Variants in GLB1L2 observed in about 807,000 individuals in gnomAD.
GLB1L2 encodes the protein galactosidase beta 1 like 2, also known as beta-galactosidase-1-like protein 2.
Under a neutral mutation model 84.1 loss-of-function variants are expected in GLB1L2, and 68 were observed. The ratio of observed to expected loss-of-function variants is 0.81; its 90% confidence interval spans 0.67 to 0.99. The LOEUF (loss-of-function observed/expected upper bound fraction) is 0.99, where lower values mean the gene tolerates loss of function less well. GLB1L2 is among the 50% of genes least tolerant of loss of function. GLB1L2 has a pLI of 0.00. For synonymous variants in GLB1L2, 290 were observed against 318.0 expected, an observed-to-expected ratio of 0.91 and a Z score of 0.94; for missense variants, 762 against 805.6, an observed-to-expected ratio of 0.95 and a Z score of 0.66.
Position 134,338,614 on chromosome 11 carries a change from C to T in GLB1L2, c.87-4140C>T, listed in dbSNP as rs575024896. 5.9e-5 allele frequency among the ~76,000 whole-genome samples: 9 copies of T among 152,322 alleles called. No homozygotes were observed. In the South Asian group the frequency reaches 1.7e-3, roughly 28 times the overall value. On this transcript the variant is annotated intron_variant, in intron 1 of 18. Coordinates refer to ENST00000535456, the MANE Select transcript of GLB1L2 (RefSeq NM_001370461.1). This position sits in a 1 kb window ranked among gnomAD's most constrained non-coding sequence, Gnocchi z 6.2. ...AAGGAAAAATTACTCCAGAGGGCTC[C>T]ACCTCCCCCTGCTTCCTCACCACGG...
chr11:134,345,522 G>C (rs1943541746), intron 4 of GLB1L2, among the ~76,000 whole-genome samples: 1 of 152,242 alleles, frequency 6.6e-6, no homozygotes, highest in Admixed American at 6.5e-5. Context: ...TCAGGCTGGA[G>C]TGCAGTGGTG....
At chr11:134,348,795 A>G (rs1943585913) in intron 5 of GLB1L2, among the ~76,000 whole-genome samples, 1 of 151,586 alleles carries the variant, frequency 6.6e-6, no homozygotes, top group South Asian at 2.1e-4. Flanking sequence ...GTCCAAGAAC[A>G]AAGCACTGGC....
rs1458868151 is a variant in GLB1L2, at chr11:134,342,880, C to A, written c.213C>A (p.Phe71Leu). ...FWIFGGSIHY[F>L]RVPREYWRDR... ...TCTTCGGGGGCTCCATCCACTATTT[C>A]CGTGTGCCCAGGGAGTACTGGAGGG... The change falls in exon 2 of 19, where the codon TTC (phenylalanine) becomes TTA (leucine). Residue 71 changes from phenylalanine to leucine, a missense_variant. By Grantham distance (22) the Phe-to-Leu change is conservative. This residue lies in a region of GLB1L2 where 59 missense variants were observed against 105.1 expected (regional missense o/e 0.56). Transcript: ENST00000535456. The A allele has an allele frequency of 6.2e-7, 1 of 1,613,978 alleles. No individual in the cohort carries two copies. Among genetic ancestry groups the A allele is most frequent in the East Asian group, 2.2e-5 (1 of 44,882 alleles).
intron 9 of GLB1L2, 33 bp downstream of exon 9, chr11:134,367,374 G>A (rs1943879996): frequency 6.4e-7 from 1 of 1,561,578 alleles, no homozygotes; most frequent in Non-Finnish European, 8.8e-7. Flanking sequence ...TCCAGAATGT[G>A]TGCTACTTAA....
rs1209137966 is a variant in GLB1L2 at position 134,370,419 on chromosome 11, A to T, written c.1215+20A>T. On this transcript the variant is annotated intron_variant, in intron 12 of 18. Coordinates refer to ENST00000535456, the MANE Select transcript of GLB1L2 (RefSeq NM_001370461.1). This position sits in a 1 kb window ranked among gnomAD's most constrained non-coding sequence, Gnocchi z 4.7. ...GGGGAGGTGAGTGCTGTGGGCAGTC[A>T]TCGGGAGGTGAGTGAGTGCCGGGGG... 6.3e-7 allele frequency: 1 copy of T among 1,588,622 alleles called. No homozygotes were observed. The highest frequency in any genetic ancestry group is 1.3e-5 in the African/African-American group (1 of 74,212).
intron 4 of GLB1L2, 98 bp downstream of exon 4, chr11:134,345,227 T>C: frequency 1.5e-6 from 2 of 1,295,932 alleles, no homozygotes; most frequent in Non-Finnish European, 2.1e-6. Context: ...CTGTACTGAA[T>C]TGTGTTCCAG....
chr11:134,360,964 C>T (rs998417168), intron 7 of GLB1L2: 2 of 152,094 alleles, frequency 1.3e-5, no homozygotes, highest in Admixed American at 6.6e-5. Context: ...CCAGCCTGCC[C>T]AACATGGCGA....
chr11:134,368,493 T>C lies in GLB1L2; in HGVS notation c.890-151T>C, dbSNP rs185136703. The C allele has an allele frequency of 1.0e-3, 751 of 731,600 alleles. 1 individual carries two copies. The highest frequency in any genetic ancestry group is 1.6e-3 in the Admixed American group (67 of 42,096). 45.3% of individuals were successfully genotyped at this position (731,600 alleles called of 1,614,324 possible). On this transcript the variant is annotated intron_variant, in intron 9 of 18. Transcript: ENST00000535456. Reference sequence around the variant, plus strand: ...CTCCTCCACCCCTAATCTTCTGTGATTGGGGTTTTATGAGAGCTAGAAGGA... The same window carrying C: ...CTCCTCCACCCCTAATCTTCTGTGACTGGGGTTTTATGAGAGCTAGAAGGA...
chr11:134,351,081 A>C (rs1204771065), intron 5 of GLB1L2, among the ~76,000 whole-genome samples: 1 of 152,236 alleles, frequency 6.6e-6, no homozygotes, highest in Non-Finnish European at 1.5e-5. Flanking sequence ...AAGTGCTGAA[A>C]GCACGAATGC....
Position 134,375,738 on chromosome 11 carries a change from A to G in GLB1L2, c.*680A>G, listed in dbSNP as rs1231081214. The G allele has an allele frequency of 1.3e-5, 2 of 152,388 alleles. No homozygotes were observed. Among genetic ancestry groups the G allele is most frequent in the East Asian group, 3.9e-4 (2 of 5,190 alleles). 9.4% of individuals were successfully genotyped at this position (152,388 alleles called of 1,614,324 possible). A position where few individuals can be genotyped will look rare whatever the true frequency, so the allele number is the denominator to read the frequency against. On this transcript the variant is annotated 3_prime_UTR_variant, in exon 19 of 19. Coordinates refer to ENST00000535456, the MANE Select transcript of GLB1L2 (RefSeq NM_001370461.1). The stretch of plus-strand genomic sequence containing the variant: ...CAGGTGTCTCTGGTGTTCAGTGAGG[A>G]GGACATGTGAGTCCTGGCAGAAGCC...
Position 134,375,163 on chromosome 11 carries a change from A to C in GLB1L2, c.*105A>C. 1.2e-6 allele frequency: 1 copy of C among 821,206 alleles called. No individual in the cohort carries two copies. Among genetic ancestry groups the C allele is most frequent in the South Asian group, 1.7e-5 (1 of 59,964 alleles). The allele number at this position is 821,206 out of a possible 1,614,324, so 50.9% of individuals were successfully genotyped here. The stretch of plus-strand genomic sequence containing the variant: ...CCCCTCACTGCAAAAGCATCTCCTT[A>C]AGTAGCAACCTCAGGGACTGGGGGC... On this transcript the variant is annotated 3_prime_UTR_variant, in exon 19 of 19. Coordinates refer to ENST00000535456, the MANE Select transcript of GLB1L2 (RefSeq NM_001370461.1).
chr11:134,366,383 G>A (rs1943867723), intron 8 of GLB1L2, among the ~76,000 whole-genome samples: 1 of 152,172 alleles, frequency 6.6e-6, no homozygotes, highest in Admixed American at 6.5e-5. Context: ...CCGTGAGTTT[G>A]TCCCATCCCC....
At chr11:134,371,349 C>T in intron 13 of GLB1L2, 72 bp from the exon 14 acceptor site, 1 of 1,194,366 alleles carries the variant, frequency 8.4e-7, no homozygotes, top group Non-Finnish European at 1.3e-6. Flanking sequence ...TGCTGCCCTT[C>T]TTGGCCTGGA....
intron 7 of GLB1L2, 72 bp downstream of exon 7, chr11:134,359,213 G>T: frequency 9.8e-7 from 1 of 1,019,698 alleles, no homozygotes; most frequent in East Asian, 2.6e-5. Flanking sequence ...CCCGCTGTGG[G>T]ACTGCGACCC....
chr11:134,375,136 C>T lies in GLB1L2; in HGVS notation c.*78C>T. On this transcript the variant is annotated 3_prime_UTR_variant, in exon 19 of 19. Coordinates refer to ENST00000535456, the MANE Select transcript of GLB1L2 (RefSeq NM_001370461.1). Reference sequence around the variant, plus strand: ...ACCTGAAGCCTGGTGGCTGCTGCCCCACCCCTCACTGCAAAAGCATCTCCT... The same window carrying T: ...ACCTGAAGCCTGGTGGCTGCTGCCCTACCCCTCACTGCAAAAGCATCTCCT... 2.7e-6 allele frequency: 3 copies of T among 1,111,250 alleles called. No individual in the cohort carries two copies. The highest frequency in any genetic ancestry group is 4.0e-6 in the Non-Finnish European group (3 of 750,838). 68.8% of individuals were successfully genotyped at this position (1,111,250 alleles called of 1,614,324 possible).
chr11:134,334,953 A>G lies in GLB1L2; in HGVS notation c.86+2806A>G, dbSNP rs928303986. ...TCATTCATGATTTTTTCCTTAATAT[A>G]AATGAATCACCGAGCAAGAATACAG... On this transcript the variant is annotated intron_variant, in intron 1 of 18. Transcript: ENST00000535456. This position sits in a 1 kb window ranked among gnomAD's most constrained non-coding sequence, Gnocchi z 4.1. 6.6e-6 allele frequency among the ~76,000 whole-genome samples: 1 copy of G among 152,160 alleles called. No homozygotes were observed. Among genetic ancestry groups the G allele is most frequent in the Non-Finnish European group, 1.5e-5 (1 of 68,036 alleles).
At chr11:134,374,496 C>T in intron 17 of GLB1L2, 106 bp from the exon 18 acceptor site, 1 of 902,034 alleles carries the variant, frequency 1.1e-6, no homozygotes, top group Non-Finnish European at 1.8e-6. Context: ...TGTCCAGACA[C>T]AGCTCGCTTT....
chr11:134,371,819 A>G lies in GLB1L2; in HGVS notation c.1496A>G (p.Asp499Gly). Residue 499 changes from aspartate to glycine, a missense_variant, in exon 15 of 19, where the codon GAC (aspartate) becomes GGC (glycine). Around this residue, in one of 3 missense-constraint regions of GLB1L2, gnomAD observed 603 missense variants for 611.7 expected, o/e 0.99. Coordinates refer to ENST00000535456, the MANE Select transcript of GLB1L2 (RefSeq NM_001370461.1). The stretch of plus-strand genomic sequence containing the variant: ...GTCAACTATGGGGAGAATATTGATG[A>G]CCAGCGCAAAGGTGGGTCCCAGAAT... ...GRVNYGENID[D>G]QRKGLIGNLY... The G allele has an allele frequency of 1.2e-6, 2 of 1,614,056 alleles. No individual in the cohort carries two copies. The highest frequency in any genetic ancestry group is 1.7e-6 in the Non-Finnish European group (2 of 1,179,980).
At position 134,371,034 on chromosome 11, in the gene GLB1L2, C is replaced by T. The variant is rs774347055; in HGVS notation, c.1242C>T (p.Asn414=). The change falls in exon 13 of 19, where the codon AAC becomes AAT. Residue 414 remains asparagine, a synonymous_variant. Transcript: ENST00000535456. ...CAATCAAGTCTGAAAAGCCCATCAACATGGAGAACCTGCCAGTCAATGGGG... is the reference window on the plus strand; with the variant it reads ...CAATCAAGTCTGAAAAGCCCATCAATATGGAGAACCTGCCAGTCAATGGGG... ...GEPIKSEKPI[N]MENLPVNGGN... 14 of 1,614,048 alleles carry T rather than the reference C, an allele frequency of 8.7e-6. No individual in the cohort carries two copies. The highest frequency in any genetic ancestry group is 1.2e-5 in the Non-Finnish European group (14 of 1,180,026).
Sources: allele counts gnomAD v4.1 joint callset (sites outside exome capture counted in the v4.1 genomes callset), GRCh38; gene constraint gnomAD v4.1.1; regional missense constraint gnomAD v4.1.1; non-coding constraint Gnocchi (gnomAD v3.1); transcripts MANE v1.5; gene names NCBI Gene and HGNC (gene_info 2026-07-23, HGNC 2026-07-21).